Variants in TMOD1 observed in about 807,000 individuals in gnomAD.
The protein encoded by TMOD1 is tropomodulin 1.
In TMOD1, 17 loss-of-function variants were observed where a neutral mutation model predicts 40.6. That is an observed-to-expected ratio of 0.42 (90% confidence interval 0.29 to 0.63). The LOEUF (loss-of-function observed/expected upper bound fraction) is 0.63. Ranked by LOEUF, TMOD1 falls within the 20% of genes least tolerant of loss-of-function variation. TMOD1 has a pLI of 0.22. For missense variants in TMOD1, 391 were observed against 447.6 expected, an observed-to-expected ratio of 0.87 and a Z score of 1.14; for synonymous variants, 181 against 175.0, an observed-to-expected ratio of 1.03 and a Z score of -0.27.
At chr9:97,588,854 C>T (rs1475631695) in intron 8 of TMOD1, among the ~76,000 whole-genome samples, 1 of 152,082 alleles carries the variant, frequency 6.6e-6, no homozygotes, top group Non-Finnish European at 1.5e-5. Flanking sequence ...AGCGCAGTGG[C>T]TCACGCCTAT....
chr9:97,530,899 T>C (rs1449862556), intron 2 of TMOD1, among the ~76,000 whole-genome samples: 1 of 148,980 alleles, frequency 6.7e-6, no homozygotes, highest in Non-Finnish European at 1.5e-5. Flanking sequence ...GTGATTCTCC[T>C]GCCTCAGCCT....
chr9:97,509,524 T>C (rs1381122036), intron 1 of TMOD1, among the ~76,000 whole-genome samples: 7 of 150,818 alleles, frequency 4.6e-5, no homozygotes, highest in Non-Finnish European at 1.0e-4. Context: ...TTTTTGTTTT[T>C]TTTTTAGACA....
In TMOD1 at chr9:97,600,956, CAAA is replaced by C. The variant is rs1564004271; in HGVS notation, c.*1259_*1261del. On this transcript the variant is annotated 3_prime_UTR_variant, in exon 10 of 10. Coordinates refer to ENST00000259365, the MANE Select transcript of TMOD1 (RefSeq NM_003275.4). ...GAGTTATTTTCATTAGTGATTTCAGCAAATCTCATGATAAAGGACAAGGTCAAG... is the reference window on the plus strand; with the variant it reads ...GAGTTATTTTCATTAGTGATTTCAGCTCTCATGATAAAGGACAAGGTCAAG... The C allele has an allele frequency of 8.8e-7, 1 of 1,138,628 alleles. No individual in the cohort carries two copies. The highest frequency in any genetic ancestry group is 1.1e-6 in the Non-Finnish European group (1 of 904,112). The allele number at this position is 1,138,628 out of a possible 1,614,324, so 70.5% of individuals were successfully genotyped here.
At chr9:97,518,821 T>C (rs886363219) in intron 1 of TMOD1, among the ~76,000 whole-genome samples, 5 of 152,204 alleles carry the variant, frequency 3.3e-5, no homozygotes, top group African/African-American at 1.2e-4. Context: ...TGGCATTGTC[T>C]TGGGATACAG....
At chr9:97,549,229 G>T (rs780712974) in intron 3 of TMOD1, among the ~76,000 whole-genome samples, 1 of 152,112 alleles carries the variant, frequency 6.6e-6, no homozygotes, top group Non-Finnish European at 1.5e-5. Flanking sequence ...GGCTAGTAAG[G>T]CATATTCCTT....
At chr9:97,508,161 T>C (rs1390467724) in intron 1 of TMOD1, among the ~76,000 whole-genome samples, 3 of 151,928 alleles carry the variant, frequency 2.0e-5, no homozygotes, top group African/African-American at 7.3e-5. Context: ...TTACTGGCTC[T>C]GTAATCTCAG....
At chr9:97,584,196 C>G (rs184704522) in intron 8 of TMOD1, among the ~76,000 whole-genome samples, 4 of 152,096 alleles carry the variant, frequency 2.6e-5, no homozygotes, top group Non-Finnish European at 5.9e-5. Context: ...ATTCTGGTAT[C>G]TTGTGTCTTT....
intron 2 of TMOD1, among the ~76,000 whole-genome samples, chr9:97,542,858 A>G (rs552616181): frequency 5.3e-5 from 8 of 152,088 alleles, no homozygotes; most frequent in Admixed American, 4.6e-4. Context: ...TCAAAAAAAA[A>G]AAAAAAAAAG....
At chr9:97,588,364 A>G (rs59794597) in intron 8 of TMOD1, among the ~76,000 whole-genome samples, 1,964 of 152,212 alleles carry the variant, frequency 0.013, 48 homozygotes, top group African/African-American at 0.045. Flanking sequence ...GCACTTTTTC[A>G]TATATTTATT....
At chr9:97,559,717 A>G (rs1034904274) in intron 4 of TMOD1, among the ~76,000 whole-genome samples, 4 of 146,796 alleles carry the variant, frequency 2.7e-5, no homozygotes, top group African/African-American at 1.0e-4. Flanking sequence ...GCGAGCCAAG[A>G]TCATGCCATT....
In TMOD1 at chr9:97,504,309, G is replaced by A. The variant is rs370551327; in HGVS notation, c.-49+2506G>A. Reference sequence around the variant, plus strand: ...GCAGGAGCTAACAGGAGCTGAAGAAGTTCTCCACTTCTTCAGGCTGTAGGC... The same window carrying A: ...GCAGGAGCTAACAGGAGCTGAAGAAATTCTCCACTTCTTCAGGCTGTAGGC... On this transcript the variant is annotated intron_variant, in intron 1 of 9. Coordinates refer to ENST00000259365, the MANE Select transcript of TMOD1 (RefSeq NM_003275.4). Among the ~76,000 whole-genome samples the A allele has an allele frequency of 1.5e-3, 226 of 152,254 alleles. 2 individuals are homozygous for A. The highest frequency in any genetic ancestry group is 6.8e-3 in the Middle Eastern group (2 of 294).
intron 2 of TMOD1, among the ~76,000 whole-genome samples, chr9:97,542,491 CAT>C (rs984433987): frequency 5.1e-4 from 77 of 152,050 alleles, no homozygotes; most frequent in African/African-American, 1.8e-3. Context: ...TATTATATAA[CAT>C]GTTATAATTA....
chr9:97,526,580 T>A (rs1830017340), intron 2 of TMOD1, among the ~76,000 whole-genome samples: 2 of 152,216 alleles, frequency 1.3e-5, no homozygotes, highest in Admixed American at 6.5e-5. Flanking sequence ...ACCCTTTTTT[T>A]AAACCAGCCA....
chr9:97,574,671 C>T (rs1166187956), intron 8 of TMOD1, among the ~76,000 whole-genome samples: 1 of 152,240 alleles, frequency 6.6e-6, no homozygotes, highest in Non-Finnish European at 1.5e-5. Context: ...ATCTTTATGT[C>T]TGGCTAAGGG....
At chr9:97,536,143 T>C (rs1830180213) in intron 2 of TMOD1, among the ~76,000 whole-genome samples, 1 of 152,198 alleles carries the variant, frequency 6.6e-6, no homozygotes, top group Admixed American at 6.5e-5. Context: ...TGGACAGTAA[T>C]GCAAAGGCAG....
intron 1 of TMOD1, among the ~76,000 whole-genome samples, chr9:97,507,460 C>A (rs1829607358): frequency 6.6e-6 from 1 of 152,188 alleles, no homozygotes; most frequent in Non-Finnish European, 1.5e-5. Flanking sequence ...ATGACCAATG[C>A]AACTAGTAAG....
At chr9:97,527,057 A>G (rs1288036449) in intron 2 of TMOD1, among the ~76,000 whole-genome samples, 1 of 152,118 alleles carries the variant, frequency 6.6e-6, no homozygotes, top group Non-Finnish European at 1.5e-5. Flanking sequence ...CAAGTTGATC[A>G]AAAGTCGGCA....
chr9:97,569,117 G>C, intron 8 of TMOD1, 80 bp downstream of exon 8: 1 of 1,559,334 alleles, frequency 6.4e-7, no homozygotes, highest in Non-Finnish European at 8.8e-7. Context: ...CTGCTGGATG[G>C]AGCTGAGAAT....
intron 8 of TMOD1, among the ~76,000 whole-genome samples, chr9:97,581,929 T>C (rs1232060801): frequency 6.7e-6 from 1 of 149,232 alleles, no homozygotes; most frequent in Non-Finnish European, 1.5e-5. Context: ...GCGAAAATTT[T>C]CTCCCATTTT....
Sources: allele counts gnomAD v4.1 joint callset (sites outside exome capture counted in the v4.1 genomes callset), GRCh38; gene constraint gnomAD v4.1.1; transcripts MANE v1.5; gene names NCBI Gene and HGNC (gene_info 2026-07-23, HGNC 2026-07-21).